ST18: variants seen among roughly 807,000 people sequenced by gnomAD.
The protein encoded by ST18 is suppression of tumorigenicity 18 protein.
A neutral mutation model predicts 110.0 loss-of-function variants in ST18; 50 were observed. The ratio of observed to expected loss-of-function variants is 0.45; its 90% confidence interval spans 0.36 to 0.58. The LOEUF is 0.58. Among genes scored for constraint, ST18 ranks in the 20% least tolerant of loss-of-function variants. The pLI, the probability that ST18 is intolerant of heterozygous loss-of-function variation, is 0.00. For missense variants in ST18, 1,306 were observed against 1,280.1 expected (o/e 1.02, Z -0.31); for synonymous variants, 461 against 452.4 (o/e 1.02, Z -0.24).
chr8:52,200,339 C>T (rs750940906), intron 8 of ST18, among the ~76,000 whole-genome samples: 33 of 152,206 alleles, frequency 2.2e-4, no homozygotes, highest in Non-Finnish European at 3.4e-4. Flanking sequence ...CAAGGAAGGT[C>T]TTGCTGACAA....
chr8:52,402,808 G>C (rs1004585765), intron 2 of ST18, among the ~76,000 whole-genome samples: 1 of 152,204 alleles, frequency 6.6e-6, no homozygotes, highest in African/African-American at 2.4e-5. Flanking sequence ...GACCCAGGAA[G>C]GTGGGGCACG....
chr8:52,362,073 G>A (rs1825967756), intron 2 of ST18, among the ~76,000 whole-genome samples: 1 of 152,072 alleles, frequency 6.6e-6, no homozygotes, highest in Non-Finnish European at 1.5e-5. Context: ...ATCAAAAGAG[G>A]GGGTTATAAA....
intron 19 of ST18, 112 bp from the exon 20 acceptor site, chr8:52,133,413 T>A (rs2131599769): frequency 7.8e-7 from 1 of 1,287,828 alleles, no homozygotes; most frequent in East Asian, 2.4e-5. Flanking sequence ...CAAGTCTCTG[T>A]AGTTCACGTG....
chr8:52,269,402 G>T (rs1248089329), intron 2 of ST18, among the ~76,000 whole-genome samples: 1 of 152,296 alleles, frequency 6.6e-6, no homozygotes, highest in East Asian at 1.9e-4. Context: ...AGAAAGATCT[G>T]CAGGTTGTCA....
intron 22 of ST18, among the ~76,000 whole-genome samples, chr8:52,131,073 T>C (rs2131494258): frequency 6.6e-6 from 1 of 152,372 alleles, no homozygotes; most frequent in East Asian, 1.9e-4. Context: ...AATATTTAAA[T>C]ATCTTTAAAC....
At chr8:52,400,372 C>T (rs1842492009) in intron 2 of ST18, among the ~76,000 whole-genome samples, 1 of 152,046 alleles carries the variant, frequency 6.6e-6, no homozygotes, top group Admixed American at 6.5e-5. Flanking sequence ...CACCCTCTGC[C>T]TTTTGATTGG....
chr8:52,386,771 G>A (rs1288611465), intron 2 of ST18, among the ~76,000 whole-genome samples: 1 of 152,132 alleles, frequency 6.6e-6, no homozygotes, highest in Admixed American at 6.6e-5. Context: ...AAATGTGCCA[G>A]TCAAAGCAAC....
At chr8:52,122,208 G>A (rs1178374607) in intron 23 of ST18, among the ~76,000 whole-genome samples, 1 of 152,092 alleles carries the variant, frequency 6.6e-6, no homozygotes, top group African/African-American at 2.4e-5. Flanking sequence ...TTATGTAAAA[G>A]CAATAGATTA....
chr8:52,272,951 C>A (rs1287872199), intron 2 of ST18, among the ~76,000 whole-genome samples: 1 of 152,060 alleles, frequency 6.6e-6, no homozygotes, highest in African/African-American at 2.4e-5. Context: ...AAATTTCAGT[C>A]AAGCAAAATG....
At chr8:52,234,022 C>A (rs997630295) in intron 2 of ST18, among the ~76,000 whole-genome samples, 1 of 152,194 alleles carries the variant, frequency 6.6e-6, no homozygotes, top group Non-Finnish European at 1.5e-5. Context: ...CCTCTGGTAA[C>A]CACCATTCTG....
chr8:52,148,472 C>T (rs1281432755), intron 16 of ST18, among the ~76,000 whole-genome samples: 3 of 152,160 alleles, frequency 2.0e-5, no homozygotes, highest in African/African-American at 7.2e-5. Context: ...TCCTCCCTCT[C>T]CACATTGTGT....
chr8:52,211,932 T>C, intron 8 of ST18, 147 bp downstream of exon 8: 1 of 747,996 alleles, frequency 1.3e-6, no homozygotes, highest in Non-Finnish European at 2.3e-6. Context: ...CTCCGCCTTC[T>C]TGGTGCATAC....
chr8:52,148,157 ACTTTGCTGG>A (rs1032621171), intron 16 of ST18, among the ~76,000 whole-genome samples: 2 of 152,116 alleles, frequency 1.3e-5, no homozygotes, highest in Non-Finnish European at 2.9e-5. Flanking sequence ...AGCTTCTTAA[ACTTTGCTGG>A]CATCAGTTTC....
At chr8:52,257,813 T>A (rs1277934837) in intron 2 of ST18, among the ~76,000 whole-genome samples, 3 of 149,852 alleles carry the variant, frequency 2.0e-5, no homozygotes, top group Non-Finnish European at 4.5e-5. Flanking sequence ...TATGTTTCTT[T>A]AATTATTTGT....
chr8:52,159,483 A>G (rs1399554434), intron 14 of ST18, among the ~76,000 whole-genome samples: 4 of 152,232 alleles, frequency 2.6e-5, no homozygotes, highest in African/African-American at 4.8e-5. Context: ...AGGCATGCCC[A>G]TTGGAAAACT....
intron 17 of ST18, chr8:52,137,843 C>T (rs940634659): frequency 1.5e-4 from 30 of 197,816 alleles, no homozygotes; most frequent in African/African-American, 6.3e-4. Context: ...TGGCTCACGC[C>T]TGTAATCCCA....
intron 2 of ST18, among the ~76,000 whole-genome samples, chr8:52,340,930 G>A (rs1046700562): frequency 6.6e-6 from 1 of 152,202 alleles, no homozygotes; most frequent in African/African-American, 2.4e-5. Context: ...GAGTTTCTAT[G>A]CCTCTTTCCT....
intron 8 of ST18, among the ~76,000 whole-genome samples, chr8:52,203,507 G>A (rs116603709): frequency 0.011 from 1,678 of 152,226 alleles, 27 homozygotes; most frequent in African/African-American, 0.039. Context: ...ATTGTAGGGC[G>A]TCCATTTGTC....
chr8:52,284,072 G>A (rs2095430197), intron 2 of ST18, among the ~76,000 whole-genome samples: 1 of 152,138 alleles, frequency 6.6e-6, no homozygotes, highest in Non-Finnish European at 1.5e-5. Context: ...GGCAAAAATA[G>A]GATTTAACCA....
Sources: allele counts gnomAD v4.1 joint callset (sites outside exome capture counted in the v4.1 genomes callset), GRCh38; gene constraint gnomAD v4.1.1; transcripts MANE v1.5; gene names NCBI Gene and HGNC (gene_info 2026-07-23, HGNC 2026-07-21).